Variants in PCDH17 observed in about 807,000 individuals in gnomAD.
PCDH17 encodes protocadherin-17.
PCDH17 carries 21 observed loss-of-function variants against 67.7 expected under a neutral mutation model. That is an observed-to-expected ratio of 0.31 (90% CI 0.22 to 0.45). The LOEUF (loss-of-function observed/expected upper bound fraction) is 0.45, where lower values mean the gene tolerates loss of function less well. PCDH17 is among the 20% of genes least tolerant of loss of function. PCDH17 has a pLI of 1.00. For synonymous variants in PCDH17, 701 were observed against 656.7 expected, an observed-to-expected ratio of 1.07 and a Z score of -1.03; for missense variants, 1,471 against 1,564.8, an observed-to-expected ratio of 0.94 and a Z score of 1.01.
chr13:57,660,549 A>T (rs1444268751), intron 1 of PCDH17, among the ~76,000 whole-genome samples: 1 of 152,222 alleles, frequency 6.6e-6, no homozygotes, highest in Non-Finnish European at 1.5e-5. Flanking sequence ...TTTTAAAATT[A>T]ATTACAGTAA....
At chr13:57,674,599 T>C (rs1052425824) in intron 3 of PCDH17, among the ~76,000 whole-genome samples, 2 of 151,896 alleles carry the variant, frequency 1.3e-5, no homozygotes, top group African/African-American at 4.8e-5. Context: ...AGTGCTGGGG[T>C]CACCAGTTAG....
At chr13:57,654,561 T>C (rs1366614495) in intron 1 of PCDH17, among the ~76,000 whole-genome samples, 4 of 152,056 alleles carry the variant, frequency 2.6e-5, no homozygotes, top group Non-Finnish European at 5.9e-5. Context: ...AGATTGCTTG[T>C]TTCACTAGAG....
intron 1 of PCDH17, among the ~76,000 whole-genome samples, chr13:57,640,318 T>C (rs142764003): frequency 6.6e-6 from 1 of 152,152 alleles, no homozygotes; most frequent in African/African-American, 2.4e-5. Context: ...CATGCATTTA[T>C]TGCAGTGAAA....
At chr13:57,696,015 G>C (rs1002203722) in intron 3 of PCDH17, among the ~76,000 whole-genome samples, 29 of 151,438 alleles carry the variant, frequency 1.9e-4, no homozygotes, top group African/African-American at 6.7e-4. Context: ...TTGAAATCCA[G>C]AACTGTTAGC....
chr13:57,647,204 T>G (rs1208811205), intron 1 of PCDH17, among the ~76,000 whole-genome samples: 1 of 151,862 alleles, frequency 6.6e-6, no homozygotes, highest in African/African-American at 2.4e-5. Context: ...ATATCAAACC[T>G]TATAATCTAA....
chr13:57,658,803 G>T (rs983615705), intron 1 of PCDH17, among the ~76,000 whole-genome samples: 1 of 151,934 alleles, frequency 6.6e-6, no homozygotes, highest in Admixed American at 6.6e-5. Flanking sequence ...GTTTTGAGGC[G>T]GATTCTTGCT....
intron 1 of PCDH17, among the ~76,000 whole-genome samples, chr13:57,658,121 A>G (rs1955132062): frequency 2.0e-5 from 3 of 152,182 alleles, no homozygotes; most frequent in Admixed American, 2.0e-4. Context: ...TAAAGCCTAT[A>G]CAGATAATGC....
At chr13:57,677,369 AT>A (rs1391666794) in intron 3 of PCDH17, among the ~76,000 whole-genome samples, 3 of 151,904 alleles carry the variant, frequency 2.0e-5, no homozygotes, top group Non-Finnish European at 4.4e-5. Flanking sequence ...TAGAATACTA[AT>A]ACTTATTCAA....
intron 1 of PCDH17, among the ~76,000 whole-genome samples, chr13:57,644,744 T>C (rs1954945626): frequency 1.3e-5 from 2 of 151,700 alleles, no homozygotes; most frequent in South Asian, 4.1e-4. Context: ...AGTAAATCTC[T>C]AGAAATAAAG....
rs1954777413 is a variant in PCDH17 at position 57,633,993 on chromosome 13, G to A, written c.1447G>A (p.Glu483Lys). 1 of 1,613,590 alleles carries A rather than the reference G, an allele frequency of 6.2e-7. No individual in the cohort carries two copies. The highest frequency in any genetic ancestry group is 1.1e-5 in the South Asian group (1 of 91,090). ...TKGLYVLQVH[E>K]NNIPGEYLGS... ...AGGGCTCTACGTGCTTCAGGTGCAC[G>A]AGAACAACATCCCGGGAGAGTACCT... The change falls in exon 1 of 4, where the codon GAG (glutamate) becomes AAG (lysine). Residue 483 changes from glutamate (E) to lysine (K), a missense_variant. Physicochemically the swap from Glu to Lys is moderately conservative, Grantham distance 56 (BLOSUM62 1). This residue lies in a region of PCDH17 where 1,163 missense variants were observed against 1,230.0 expected (regional missense o/e 0.95). Transcript: ENST00000377918. The surrounding 1 kb of genome is among the most constrained non-coding windows in gnomAD (Gnocchi z 6.2).
chr13:57,663,204 T>C (rs780139310), intron 1 of PCDH17, among the ~76,000 whole-genome samples: 6 of 152,148 alleles, frequency 3.9e-5, no homozygotes, highest in Non-Finnish European at 8.8e-5. Flanking sequence ...TTTATATATT[T>C]ATCATATAAA....
At chr13:57,635,896 T>C (rs751669514) in intron 1 of PCDH17, among the ~76,000 whole-genome samples, 1 of 152,158 alleles carries the variant, frequency 6.6e-6, no homozygotes, top group Non-Finnish European at 1.5e-5. Context: ...ATGAAAGGAA[T>C]ACAGCAGAGG....
intron 3 of PCDH17, among the ~76,000 whole-genome samples, chr13:57,698,312 C>T (rs1457954471): frequency 1.3e-5 from 2 of 151,580 alleles, no homozygotes; most frequent in African/African-American, 4.8e-5. Flanking sequence ...ATTTTTTATT[C>T]ATATGCTTAA....
intron 3 of PCDH17, among the ~76,000 whole-genome samples, chr13:57,708,825 C>T (rs1303138758): frequency 6.6e-6 from 1 of 152,022 alleles, no homozygotes; most frequent in South Asian, 2.1e-4. Context: ...CACCAACAGG[C>T]ATTTTTTGTT....
chr13:57,719,874 G>A (rs1955858720), intron 3 of PCDH17, among the ~76,000 whole-genome samples: 1 of 151,812 alleles, frequency 6.6e-6, no homozygotes, highest in Admixed American at 6.6e-5. Flanking sequence ...AATCTTTGTT[G>A]ATTTTAATAA....
rs962315628 is a variant in PCDH17 at position 57,681,751 on chromosome 13, T to C, written c.2797+14918T>C. Among the ~76,000 whole-genome samples, 22 of 151,842 alleles carry C rather than the reference T, an allele frequency of 1.4e-4. No individual in the cohort carries two copies. In the Admixed American group the frequency reaches 1.5e-3, roughly 10 times the overall value. Reference sequence around the variant, plus strand: ...ATATAATGAGACAATTCTAAATATATGGTCTATCTCCCCATTCAGTGCCTC... The same window carrying C: ...ATATAATGAGACAATTCTAAATATACGGTCTATCTCCCCATTCAGTGCCTC... On this transcript the variant is annotated intron_variant, in intron 3 of 3. Coordinates refer to ENST00000377918, the MANE Select transcript of PCDH17 (RefSeq NM_001040429.3).
chr13:57,646,115 A>G (rs1954962642), intron 1 of PCDH17, among the ~76,000 whole-genome samples: 1 of 151,562 alleles, frequency 6.6e-6, no homozygotes, highest in Non-Finnish European at 1.5e-5. Context: ...CTACCATGTG[A>G]TAATCAGAAA....
intron 3 of PCDH17, among the ~76,000 whole-genome samples, chr13:57,704,753 C>T (rs1040474820): frequency 2.6e-5 from 4 of 151,884 alleles, no homozygotes; most frequent in South Asian, 2.1e-4. Flanking sequence ...TATCACAAAA[C>T]GATGAGATAT....
At chr13:57,723,009 CT>C (rs1955883992) in intron 3 of PCDH17, among the ~76,000 whole-genome samples, 1 of 152,118 alleles carries the variant, frequency 6.6e-6, no homozygotes, top group Non-Finnish European at 1.5e-5. Flanking sequence ...TTCTGCTGTT[CT>C]TCATGTCTGT....
Sources: allele counts gnomAD v4.1 joint callset (sites outside exome capture counted in the v4.1 genomes callset), GRCh38; gene constraint gnomAD v4.1.1; regional missense constraint gnomAD v4.1.1; non-coding constraint Gnocchi (gnomAD v3.1); transcripts MANE v1.5; gene names NCBI Gene and HGNC (gene_info 2026-07-23, HGNC 2026-07-21).